Variants in USP10 observed in about 807,000 individuals in gnomAD.
The protein encoded by USP10 is ubiquitin specific peptidase 10.
USP10 carries 22 observed loss-of-function variants against 84.5 expected under a neutral mutation model. That is an observed-to-expected ratio of 0.26 (90% CI 0.19 to 0.37). USP10 has a LOEUF of 0.37. Ranked by LOEUF, USP10 falls within the 10% of genes least tolerant of loss-of-function variation. USP10 has a pLI of 1.00. For missense variants in USP10, 1,019 were observed against 998.9 expected, an observed-to-expected ratio of 1.02 and a Z score of -0.27; for synonymous variants, 454 against 387.6, an observed-to-expected ratio of 1.17 and a Z score of -2.01.
At chr16:84,737,866 C>T (rs1382243597) in intron 2 of USP10, among the ~76,000 whole-genome samples, 1 of 152,210 alleles carries the variant, frequency 6.6e-6, no homozygotes, top group East Asian at 1.9e-4. Flanking sequence ...TGTCACTGGT[C>T]CAGCCTTTCC....
At chr16:84,737,191 AC>A (rs1378631681) in intron 2 of USP10, among the ~76,000 whole-genome samples, 18 of 152,240 alleles carry the variant, frequency 1.2e-4, no homozygotes, top group African/African-American at 4.3e-4. Flanking sequence ...AGACTTCAGA[AC>A]ATGACCTTCC....
At chr16:84,745,783 T>A in intron 4 of USP10, 110 bp downstream of exon 4, 1 of 1,137,404 alleles carries the variant, frequency 8.8e-7, no homozygotes, top group Non-Finnish European at 1.2e-6. Flanking sequence ...TGTGTGTTAA[T>A]AGCAACGTCT....
At chr16:84,701,850 C>G (rs1904898908) in intron 1 of USP10, among the ~76,000 whole-genome samples, 1 of 150,508 alleles carries the variant, frequency 6.6e-6, no homozygotes, top group Non-Finnish European at 1.5e-5. Flanking sequence ...TGGGTTTATT[C>G]TTTTAAAGTA....
intron 3 of USP10, among the ~76,000 whole-genome samples, chr16:84,742,758 C>T (rs139523392): frequency 1.8e-3 from 269 of 152,306 alleles, no homozygotes; most frequent in African/African-American, 6.1e-3. Context: ...AGAAGAGGAA[C>T]TGTGCTGGCT....
chr16:84,715,605 G>A (rs1193582838), intron 1 of USP10, among the ~76,000 whole-genome samples: 1 of 151,638 alleles, frequency 6.6e-6, no homozygotes, highest in Non-Finnish European at 1.5e-5. Flanking sequence ...CTCCCTTTTT[G>A]CTTACCCCAT....
At chr16:84,775,590 A>G (rs935237853) in intron 13 of USP10, among the ~76,000 whole-genome samples, 3 of 152,172 alleles carry the variant, frequency 2.0e-5, no homozygotes, top group African/African-American at 7.2e-5. Flanking sequence ...CTGGTCACCC[A>G]GCCAGGTTGG....
intron 1 of USP10, 79 bp downstream of exon 1, chr16:84,700,190 G>C (rs1904652338): frequency 9.2e-7 from 1 of 1,088,206 alleles, no homozygotes; most frequent in South Asian, 3.4e-5. Context: ...GGGCGTCCGC[G>C]CCCTGCCCGG....
chr16:84,757,781 C>T (rs1448406724), intron 4 of USP10, among the ~76,000 whole-genome samples: 1 of 152,086 alleles, frequency 6.6e-6, no homozygotes, highest in Non-Finnish European at 1.5e-5. Context: ...TACCTGGCTC[C>T]TGTGTGATCA....
At chr16:84,766,422 G>T (rs1913869793) in intron 10 of USP10, among the ~76,000 whole-genome samples, 1 of 152,250 alleles carries the variant, frequency 6.6e-6, no homozygotes, top group Non-Finnish European at 1.5e-5. Context: ...ACGTCGTGTT[G>T]GGAGGGAGAC....
intron 1 of USP10, among the ~76,000 whole-genome samples, chr16:84,711,975 C>G (rs1426696173): frequency 6.6e-6 from 1 of 152,166 alleles, no homozygotes; most frequent in Non-Finnish European, 1.5e-5. Flanking sequence ...CTGCCTCAGC[C>G]TCCCAATGTA....
In USP10 at chr16:84,734,820, G is replaced by T. The variant is rs147820791; in HGVS notation, c.90+1317G>T. ...AGCTGAAATTGAGGCACTGAATTTT[G>T]TATATGTGTGAGGTGGCATCGAACT... On this transcript the variant is annotated intron_variant, in intron 2 of 13. Transcript: ENST00000219473. Among the ~76,000 whole-genome samples the T allele has an allele frequency of 2.8e-3, 428 of 152,202 alleles. 2 individuals are homozygous for T. The highest frequency in any genetic ancestry group is 1.0e-2 in the African/African-American group (415 of 41,514).
At chr16:84,766,626 G>C (rs1913893441) in intron 10 of USP10, among the ~76,000 whole-genome samples, 1 of 152,098 alleles carries the variant, frequency 6.6e-6, no homozygotes, top group Admixed American at 6.6e-5. Context: ...GGCCACAGAG[G>C]GTCAGCATAC....
intron 13 of USP10, 43 bp from the exon 14 acceptor site, chr16:84,778,852 G>A: frequency 3.8e-6 from 6 of 1,577,710 alleles, no homozygotes; most frequent in Non-Finnish European, 5.2e-6. Context: ...TGATTCGTGT[G>A]CAGTGCTGTT....
chr16:84,755,357 G>C (rs1912409164), intron 4 of USP10, among the ~76,000 whole-genome samples: 1 of 151,016 alleles, frequency 6.6e-6, no homozygotes, highest in African/African-American at 2.4e-5. Context: ...CATCTTCCTG[G>C]ATCCCTAGCT....
chr16:84,732,344 G>A (rs927387136), intron 1 of USP10: 7 of 356,070 alleles, frequency 2.0e-5, no homozygotes, highest in African/African-American at 8.9e-5. Context: ...CTGATCATAC[G>A]TGGGCATTTG....
intron 1 of USP10, among the ~76,000 whole-genome samples, chr16:84,726,152 C>T (rs8052070): frequency 0.29 from 44,535 of 152,114 alleles, 8,051 homozygotes; most frequent in Non-Finnish European, 0.42. Context: ...TTTGGAACAA[C>T]CTGCATATTT....
At chr16:84,750,067 G>A (rs1597363801) in intron 4 of USP10, among the ~76,000 whole-genome samples, 1 of 152,060 alleles carries the variant, frequency 6.6e-6, no homozygotes, top group Admixed American at 6.5e-5. Context: ...TTCAGTGACT[G>A]GTCTGAGAGG....
At chr16:84,704,620 G>A (rs1349882582) in intron 1 of USP10, 7 of 1,249,142 alleles carry the variant, frequency 5.6e-6, no homozygotes, top group Admixed American at 3.0e-5. Flanking sequence ...GTAGCCCTTG[G>A]GGTATGTGTA....
chr16:84,707,217 C>T (rs760516458), intron 1 of USP10, among the ~76,000 whole-genome samples: 1 of 152,204 alleles, frequency 6.6e-6, no homozygotes, highest in East Asian at 1.9e-4. Flanking sequence ...ATCTTTCACA[C>T]TGTGACTTCC....
Sources: gnomAD v4.1 joint callset for allele counts (sites outside exome capture counted in the v4.1 genomes callset) on GRCh38, gnomAD v4.1.1 for gene constraint, MANE v1.5 for transcripts, NCBI Gene and HGNC (gene_info 2026-07-23, HGNC 2026-07-21) for gene names.